Variants in AXIN1 observed in about 807,000 individuals in gnomAD.
The protein encoded by AXIN1 is axin-1.
In AXIN1, 30 loss-of-function variants were observed where a neutral mutation model predicts 76.4. The ratio of observed to expected loss-of-function variants is 0.39; its 90% CI spans 0.29 to 0.53. The LOEUF (loss-of-function observed/expected upper bound fraction) is 0.53. Among genes scored for constraint, AXIN1 ranks in the 20% least tolerant of loss-of-function variants. AXIN1 has a pLI of 0.66. For missense variants in AXIN1, 1,140 were observed against 1,198.8 expected (o/e 0.95, Z 0.72); for synonymous variants, 545 against 501.4 (o/e 1.09, Z -1.16).
At chr16:332,068 G>A (rs1023816019) in intron 2 of AXIN1, among the ~76,000 whole-genome samples, 1 of 152,164 alleles carries the variant, frequency 6.6e-6, no homozygotes. Flanking sequence ...GCTCGCGGAT[G>A]GCCTGACGCC....
At chr16:291,538 C>T in intron 8 of AXIN1, 1 of 578,264 alleles carries the variant, frequency 1.7e-6, no homozygotes, top group Non-Finnish European at 3.1e-6. Context: ...CCCCTGAGTT[C>T]CCTGGACCGC....
At chr16:331,873 C>T (rs570820154) in intron 2 of AXIN1, among the ~76,000 whole-genome samples, 44 of 152,330 alleles carry the variant, frequency 2.9e-4, no homozygotes, top group Non-Finnish European at 5.4e-4. Context: ...AGGCGCACCT[C>T]GGCCACTAGT....
intron 2 of AXIN1, among the ~76,000 whole-genome samples, chr16:326,372 A>AAAAAAAAAAAAAAAAAAAAAAAAAAATAT (rs1380874299): frequency 1.2e-5 from 1 of 86,470 alleles, no homozygotes; most frequent in African/African-American, 5.8e-5. Context: ...AAAAAAAAAA[A>AAAAAAAAAAAAAAAAAAAAAAAAAAATAT]ATATATATAT....
intron 2 of AXIN1, among the ~76,000 whole-genome samples, chr16:316,648 C>T (rs752646920): frequency 3.9e-5 from 6 of 152,094 alleles, no homozygotes; most frequent in African/African-American, 7.2e-5. Context: ...GGGTTTATCA[C>T]AGTGCACCCT....
chr16:350,344 C>T (rs777046019), intron 1 of AXIN1, among the ~76,000 whole-genome samples: 1 of 152,212 alleles, frequency 6.6e-6, no homozygotes, highest in South Asian at 2.1e-4. Context: ...CACGTTTACT[C>T]AGTTCAGTAT....
chr16:314,832 C>T, intron 2 of AXIN1, 149 bp from the exon 3 acceptor site: 3 of 1,163,346 alleles, frequency 2.6e-6, no homozygotes, highest in Non-Finnish European at 3.7e-6. Context: ...AAAAGACCAA[C>T]ATCTCCACCT....
At chr16:327,640 A>G (rs1181936626) in intron 2 of AXIN1, among the ~76,000 whole-genome samples, 1 of 152,236 alleles carries the variant, frequency 6.6e-6, no homozygotes, top group African/African-American at 2.4e-5. Context: ...GCAGCCACCC[A>G]CACCTGCCAT....
At position 298,267 on chromosome 16, in the gene AXIN1, C is replaced by T. The variant is rs2052774278; in HGVS notation, c.1255-16G>A. On this transcript the variant is annotated splice_polypyrimidine_tract_variant and intron_variant, in intron 5 of 10. Transcript: ENST00000262320. ...CTTCCTCCTCCTGTGTGGGGACAAG[C>T]AGCACCATCACCTCTCAGCACCAGC... 6.5e-7 allele frequency: 1 copy of T among 1,537,926 alleles called. No individual in the cohort carries two copies. The highest frequency in any genetic ancestry group is 8.7e-7 in the Non-Finnish European group (1 of 1,146,942).
chr16:340,916 G>A (rs567261691), intron 2 of AXIN1, among the ~76,000 whole-genome samples: 108 of 152,360 alleles, frequency 7.1e-4, no homozygotes, highest in Non-Finnish European at 1.1e-3. Context: ...GCACTCAGGC[G>A]TCCCACAGGG....
intron 6 of AXIN1, 53 bp downstream of exon 6, chr16:297,669 C>T (rs2141507439): frequency 6.6e-7 from 1 of 1,516,982 alleles, no homozygotes; most frequent in Non-Finnish European, 8.8e-7. Flanking sequence ...TGGCCTTCTG[C>T]AGGGACACAG....
intron 4 of AXIN1, among the ~76,000 whole-genome samples, chr16:308,482 G>A (rs2053086461): frequency 6.6e-6 from 1 of 152,214 alleles, no homozygotes; most frequent in Admixed American, 6.5e-5. Flanking sequence ...GTGGACAGAA[G>A]CCTCCCGCGG....
At chr16:335,767 T>C (rs530441683) in intron 2 of AXIN1, among the ~76,000 whole-genome samples, 1 of 152,282 alleles carries the variant, frequency 6.6e-6, no homozygotes, top group East Asian at 1.9e-4. Context: ...TCAGGACACA[T>C]GTCTTCCAGA....
chr16:325,311 GC>G lies in AXIN1; in HGVS notation c.879-10629del, dbSNP rs569329087. On this transcript the variant is annotated intron_variant, in intron 2 of 10. Coordinates refer to ENST00000262320, the MANE Select transcript of AXIN1 (RefSeq NM_003502.4). Reference sequence around the variant, plus strand: ...TCATGGGGAGCTAGTGCCCCCCGCTGCTCCGGCGCCCCCTCCGCTCTGGCTT... The same window carrying G: ...TCATGGGGAGCTAGTGCCCCCCGCTGTCCGGCGCCCCCTCCGCTCTGGCTT... Among the ~76,000 whole-genome samples, 33 of 152,238 alleles carry G rather than the reference GC, an allele frequency of 2.2e-4. No homozygotes were observed. In the South Asian group the frequency reaches 6.8e-3, roughly 32 times the overall value.
chr16:294,755 CAAAAAAA>C (rs1015576394), intron 7 of AXIN1, among the ~76,000 whole-genome samples: 14 of 24,742 alleles, frequency 5.7e-4, no homozygotes, highest in African/African-American at 1.9e-3. Context: ...AACCCCATCT[CAAAAAAA>C]AAAAAAAAAA....
At position 298,179 on chromosome 16, in the gene AXIN1, CG is replaced by C; in HGVS notation, c.1326del (p.Ala443LeufsTer37). On this transcript the variant is annotated frameshift_variant, in exon 6 of 11. Coordinates refer to ENST00000262320, the MANE Select transcript of AXIN1 (RefSeq NM_003502.4). LOFTEE classifies it high-confidence loss of function. ...CAGCGGGGCGGGAAGTGGTGCCAAG[CG>C]GGGGCGGGAGGCAGCTTGTGACACG... Reference protein sequence around the residue: ...PGPCHKLPPAPAWHHFPPRCV... With the variant: ...PGPCHKLPPAXAWHHFPPRCV... The C allele has an allele frequency of 1.3e-6, 2 of 1,542,454 alleles. No individual in the cohort carries two copies.
chr16:346,666 G>A lies in AXIN1; in HGVS notation c.360C>T (p.Ala120=), dbSNP rs745679795. The A allele has an allele frequency of 5.7e-6, 9 of 1,571,232 alleles. No homozygotes were observed. Among genetic ancestry groups the A allele is most frequent in the African/African-American group, 1.4e-5 (1 of 73,482 alleles). ...GCTCCAGCTTCCTGAAGCCAGTGCA[G>A]GCAAACCAGAAGTCCAGCAAGTCGG... ...GCADLLDFWF[A]CTGFRKLEPC... The change falls in exon 2 of 11, where the codon GCC becomes GCT. Residue 120 remains alanine, a synonymous_variant. Transcript: ENST00000262320.
chr16:304,559 A>T, intron 4 of AXIN1, 118 bp from the exon 5 acceptor site: 1 of 1,466,424 alleles, frequency 6.8e-7, no homozygotes, highest in Non-Finnish European at 9.2e-7. Context: ...TTTTGAGACA[A>T]ACTCTTGCTC....
chr16:309,720 G>T (rs1027781057), intron 4 of AXIN1, among the ~76,000 whole-genome samples: 2 of 152,210 alleles, frequency 1.3e-5, no homozygotes, highest in Non-Finnish European at 1.5e-5. Context: ...ACCAGGGAGG[G>T]TGTGGCCTTG....
Position 287,914 on chromosome 16 carries a change from C to CA in AXIN1, c.*207dup. 2 of 765,596 alleles carry CA rather than the reference C, an allele frequency of 2.6e-6. No individual in the cohort carries two copies. The highest frequency in any genetic ancestry group is 4.3e-6 in the Non-Finnish European group (2 of 460,364). The allele number at this position is 765,596 out of a possible 1,614,324, so 47.4% of individuals were successfully genotyped here. A position where few individuals can be genotyped will look rare whatever the true frequency, so the allele number is the denominator to read the frequency against. ...CCAAGTATTGCTATGAGGAGTGGTC[C>CA]AGGCTGCCTCCTTGGGGGCAGGACA... On this transcript the variant is annotated 3_prime_UTR_variant, in exon 11 of 11. Coordinates refer to ENST00000262320, the MANE Select transcript of AXIN1 (RefSeq NM_003502.4).
Sources: gnomAD v4.1 joint callset for allele counts (sites outside exome capture counted in the v4.1 genomes callset) on GRCh38, gnomAD v4.1.1 for gene constraint, MANE v1.5 for transcripts, NCBI Gene and HGNC (gene_info 2026-07-23, HGNC 2026-07-21) for gene names.